The following CPA6 variants were observed in gnomAD, a reference collection of about 807,000 sequenced individuals.
The protein encoded by CPA6 is carboxypeptidase A6.
Under a neutral mutation model 63.3 loss-of-function variants are expected in CPA6, and 58 were observed. That is an observed-to-expected ratio of 0.92 (90% confidence interval 0.74 to 1.14). The LOEUF is 1.14. CPA6 is among the 50% of genes most tolerant of loss of function. CPA6 has a pLI of 0.00. For synonymous variants in CPA6, 185 were observed against 179.0 expected, an observed-to-expected ratio of 1.03 and a Z score of -0.27; for missense variants, 565 against 526.6, an observed-to-expected ratio of 1.07 and a Z score of -0.71.
At chr8:67,716,525 T>C (rs937498541) in intron 1 of CPA6, among the ~76,000 whole-genome samples, 1 of 152,076 alleles carries the variant, frequency 6.6e-6, no homozygotes, top group East Asian at 1.9e-4. Context: ...GAATAATCTC[T>C]TATGCCTCAG....
chr8:67,561,557 G>A (rs1490565469), intron 2 of CPA6, among the ~76,000 whole-genome samples: 1 of 152,136 alleles, frequency 6.6e-6, no homozygotes, highest in Admixed American at 6.5e-5. Flanking sequence ...AAGTATCAAG[G>A]TCATGAAAGT....
At chr8:67,484,215 G>A (rs576803467) in intron 7 of CPA6, among the ~76,000 whole-genome samples, 2 of 152,038 alleles carry the variant, frequency 1.3e-5, no homozygotes, top group South Asian at 2.1e-4. Context: ...GACTACAGGC[G>A]CCCGCCACCG....
intron 8 of CPA6, among the ~76,000 whole-genome samples, chr8:67,475,864 TTTCTTTCTTTCTTTCTCCTTTCTTTC>T (rs1811197925): frequency 8.0e-5 from 8 of 99,530 alleles, no homozygotes; most frequent in African/African-American, 2.5e-4. Context: ...TCTTTCTTTC[TTTCTTTCTTTCTTTCTCCTTTCTTTC>T]TTTCTTTCTT....
intron 8 of CPA6, among the ~76,000 whole-genome samples, chr8:67,483,124 T>C (rs1379271194): frequency 1.3e-5 from 2 of 152,212 alleles, no homozygotes; most frequent in East Asian, 3.9e-4. Flanking sequence ...TGCATTTTGA[T>C]AATAATTTTC....
intron 1 of CPA6, among the ~76,000 whole-genome samples, chr8:67,628,097 C>G (rs1335386740): frequency 6.6e-6 from 1 of 152,010 alleles, no homozygotes; most frequent in Non-Finnish European, 1.5e-5. Flanking sequence ...CCTGTAGTCC[C>G]AGCTACTTAG....
chr8:67,629,097 G>A (rs1314369438), intron 1 of CPA6, among the ~76,000 whole-genome samples: 1 of 151,986 alleles, frequency 6.6e-6, no homozygotes, highest in Non-Finnish European at 1.5e-5. Flanking sequence ...CCTGATGACA[G>A]AGTGAGACTC....
At chr8:67,664,410 C>A (rs1388938306) in intron 1 of CPA6, among the ~76,000 whole-genome samples, 5 of 152,160 alleles carry the variant, frequency 3.3e-5, no homozygotes, top group Non-Finnish European at 5.9e-5. Flanking sequence ...TCCTAACAGC[C>A]TGGAAGTCCA....
intron 1 of CPA6, among the ~76,000 whole-genome samples, chr8:67,668,596 C>G (rs947456585): frequency 6.6e-6 from 1 of 152,154 alleles, no homozygotes; most frequent in East Asian, 1.9e-4. Flanking sequence ...AAAAAATGTG[C>G]TCCGGTAGGA....
chr8:67,586,944 GAATAA>G (rs1813955121), intron 2 of CPA6, among the ~76,000 whole-genome samples: 1 of 152,200 alleles, frequency 6.6e-6, no homozygotes. Context: ...ATGATTGTTG[GAATAA>G]TTTTTAGCAT....
chr8:67,741,611 T>C (rs971062355), intron 1 of CPA6, among the ~76,000 whole-genome samples: 1 of 152,164 alleles, frequency 6.6e-6, no homozygotes, highest in African/African-American at 2.4e-5. Flanking sequence ...TAGCATTAGA[T>C]TCTCAATAGG....
intron 2 of CPA6, among the ~76,000 whole-genome samples, chr8:67,621,678 G>A (rs990225229): frequency 6.6e-6 from 1 of 152,214 alleles, no homozygotes; most frequent in Non-Finnish European, 1.5e-5. Context: ...GCTGAGAGGA[G>A]CTGGATGTGA....
intron 2 of CPA6, among the ~76,000 whole-genome samples, chr8:67,545,162 G>A (rs10957390): frequency 0.53 from 80,290 of 151,996 alleles, 25,182 homozygotes; most frequent in East Asian, 0.73. Flanking sequence ...ATGTGTAGCA[G>A]CTCTTTTCAA....
At chr8:67,631,144 C>T (rs985837188) in intron 1 of CPA6, among the ~76,000 whole-genome samples, 28 of 152,206 alleles carry the variant, frequency 1.8e-4, no homozygotes, top group Admixed American at 5.2e-4. Flanking sequence ...CCCGTGGCCC[C>T]GGTGTGGGAT....
At chr8:67,561,871 A>T (rs1021964283) in intron 2 of CPA6, among the ~76,000 whole-genome samples, 1 of 152,206 alleles carries the variant, frequency 6.6e-6, no homozygotes, top group Non-Finnish European at 1.5e-5. Flanking sequence ...CTGTAAGTTT[A>T]TTTCAAAATA....
At chr8:67,610,678 C>T (rs1252133316) in intron 2 of CPA6, among the ~76,000 whole-genome samples, 1 of 152,184 alleles carries the variant, frequency 6.6e-6, no homozygotes, top group Admixed American at 6.6e-5. Context: ...GAAGTTCCAG[C>T]TTCCCCATCC....
At chr8:67,683,999 A>ATG (rs1321170120) in intron 1 of CPA6, among the ~76,000 whole-genome samples, 900 of 65,878 alleles carry the variant, frequency 0.014, 19 homozygotes, top group African/African-American at 0.061. Context: ...TGATTTTAAA[A>ATG]TGTATATATA....
chr8:67,721,578 G>C (rs7830400), intron 1 of CPA6, among the ~76,000 whole-genome samples: 29,209 of 152,062 alleles, frequency 0.19, 3,123 homozygotes, highest in African/African-American at 0.26. Flanking sequence ...ACTAGTATCA[G>C]GACACTGACA....
chr8:67,623,256 GA>G (rs1246881441), intron 2 of CPA6, among the ~76,000 whole-genome samples: 1 of 152,080 alleles, frequency 6.6e-6, no homozygotes, highest in African/African-American at 2.4e-5. Flanking sequence ...ATTCATTAAG[GA>G]AAAATAACAA....
intron 1 of CPA6, among the ~76,000 whole-genome samples, chr8:67,723,330 T>C (rs150316290): frequency 6.6e-6 from 1 of 152,166 alleles, no homozygotes. Flanking sequence ...TTTTGACATA[T>C]AGAAATTTTT....
Sources: allele counts gnomAD v4.1 joint callset (sites outside exome capture counted in the v4.1 genomes callset), GRCh38; gene constraint gnomAD v4.1.1; transcripts MANE v1.5; gene names NCBI Gene and HGNC (gene_info 2026-07-23, HGNC 2026-07-21).